The following TOPAZ1 variants were observed in gnomAD, a reference collection of about 807,000 sequenced individuals.
The protein encoded by TOPAZ1 is protein TOPAZ1.
TOPAZ1 carries 66 observed loss-of-function variants against 172.2 expected under a neutral mutation model. That is an observed-to-expected ratio of 0.38 (90% CI 0.31 to 0.47). The LOEUF is 0.47. Among genes scored for constraint, TOPAZ1 ranks in the 20% least tolerant of loss-of-function variants. The pLI, the probability that TOPAZ1 is intolerant of heterozygous loss-of-function variation, is 0.99. For missense variants in TOPAZ1, 1,822 were observed against 1,972.4 expected (o/e 0.92, Z 1.44); for synonymous variants, 681 against 683.9 (o/e 1.00, Z 0.07).
chr3:44,272,997 CAATCTT>C (rs762028930), intron 8 of TOPAZ1, among the ~76,000 whole-genome samples: 26 of 152,192 alleles, frequency 1.7e-4, no homozygotes, highest in Non-Finnish European at 2.9e-4. Context: ...TGTCAAAACT[CAATCTT>C]AAACAAACCA....
chr3:44,262,523 C>G, intron 5 of TOPAZ1, 40 bp downstream of exon 5: 1 of 1,047,694 alleles, frequency 9.5e-7, no homozygotes, highest in Non-Finnish European at 1.4e-6. Flanking sequence ...TTAAAATAGT[C>G]ACTCATCTAA....
chr3:44,274,800 T>C (rs1176343032), intron 8 of TOPAZ1, among the ~76,000 whole-genome samples: 1 of 152,110 alleles, frequency 6.6e-6, no homozygotes, highest in African/African-American at 2.4e-5. Flanking sequence ...GTGATCTGCC[T>C]GCCTCAGCCT....
rs947766350 is a variant in TOPAZ1, at chr3:44,328,444, A to G, written c.4859+11A>G. 11 of 1,490,896 alleles carry G rather than the reference A, an allele frequency of 7.4e-6. 1 individual carries two copies. In the South Asian group the frequency reaches 1.4e-4, roughly 18 times the overall value. 92.4% of individuals were successfully genotyped at this position (1,490,896 alleles called of 1,614,324 possible). A position where few individuals can be genotyped will look rare whatever the true frequency, so the allele number is the denominator to read the frequency against. On this transcript the variant is annotated intron_variant, in intron 19 of 19. Coordinates refer to ENST00000309765, the MANE Select transcript of TOPAZ1 (RefSeq NM_001145030.2). The stretch of plus-strand genomic sequence containing the variant: ...GATAGTTTTGAAAAGGTTGGTTGAC[A>G]TAACTTTAACTGCATTCTGAATGTA...
downstream of TOPAZ1, among the ~76,000 whole-genome samples, chr3:44,332,887 C>T (rs997330566): frequency 3.3e-4 from 50 of 151,794 alleles, no homozygotes; most frequent in African/African-American, 1.2e-3. Flanking sequence ...CAGCCTCAAC[C>T]TCCCAGGCTC....
chr3:44,301,005 T>C (rs892679607), intron 12 of TOPAZ1, among the ~76,000 whole-genome samples: 3 of 152,184 alleles, frequency 2.0e-5, no homozygotes, highest in Non-Finnish European at 2.9e-5. Context: ...TTGTGTTGAA[T>C]TTTAAAAGCT....
chr3:44,335,568 G>A (rs1188979586), downstream of TOPAZ1, among the ~76,000 whole-genome samples: 1 of 152,158 alleles, frequency 6.6e-6, no homozygotes, highest in African/African-American at 2.4e-5. Context: ...AGGTTGCAGT[G>A]ATCCAAGGTC....
At chr3:44,335,974 A>G (rs1275729994), downstream of TOPAZ1, among the ~76,000 whole-genome samples, 1 of 152,204 alleles carries the variant, frequency 6.6e-6, no homozygotes, top group Non-Finnish European at 1.5e-5. Flanking sequence ...AAGCACTACA[A>G]AGGCTTTTTC....
chr3:44,269,447 C>A (rs1575713817), intron 7 of TOPAZ1, 146 bp downstream of exon 7: 1 of 245,404 alleles, frequency 4.1e-6, no homozygotes, highest in Non-Finnish European at 7.8e-6. Context: ...TACTTTGGAC[C>A]TTTTGATTGT....
At chr3:44,292,191 AT>A (rs753319674) in intron 12 of TOPAZ1, among the ~76,000 whole-genome samples, 1 of 152,264 alleles carries the variant, frequency 6.6e-6, no homozygotes, top group East Asian at 1.9e-4. Context: ...AAGTTCTATG[AT>A]TTTTTAATTT....
chr3:44,319,557 C>T (rs1700487487), intron 16 of TOPAZ1, among the ~76,000 whole-genome samples: 1 of 152,022 alleles, frequency 6.6e-6, no homozygotes, highest in Non-Finnish European at 1.5e-5. Flanking sequence ...AACAGTTTTA[C>T]TTTTAATGGG....
chr3:44,259,623 G>A (rs995513890), intron 4 of TOPAZ1, among the ~76,000 whole-genome samples: 9 of 152,180 alleles, frequency 5.9e-5, no homozygotes, highest in African/African-American at 2.2e-4. Context: ...ATATGTGCAA[G>A]CATTTTTGGA....
chr3:44,271,503 A>G (rs956551761), intron 8 of TOPAZ1, among the ~76,000 whole-genome samples: 1 of 152,202 alleles, frequency 6.6e-6, no homozygotes, highest in Non-Finnish European at 1.5e-5. Context: ...ATAATTAATC[A>G]TATAATCTGT....
At chr3:44,330,761 G>A (rs1364856345) in intron 19 of TOPAZ1, among the ~76,000 whole-genome samples, 1 of 152,218 alleles carries the variant, frequency 6.6e-6, no homozygotes, top group Non-Finnish European at 1.5e-5. Context: ...TAATGTAACA[G>A]CCACACCTCT....
chr3:44,243,128 A>G lies in TOPAZ1; in HGVS notation c.622A>G (p.Lys208Glu), dbSNP rs1281016487. 2 of 1,548,400 alleles carry G rather than the reference A, an allele frequency of 1.3e-6. No homozygotes were observed. The highest frequency in any genetic ancestry group is 1.4e-5 in the African/African-American group (1 of 73,024). ...FQDELYKNTP[K>E]YSCNILSPEV... The stretch of plus-strand genomic sequence containing the variant: ...AGATGAACTGTACAAGAATACTCCA[A>G]AATATTCTTGTAATATCTTGTCACC... Residue 208 changes from lysine to glutamate, a missense_variant, in exon 2 of 20, where the codon AAA (lysine) becomes GAA (glutamate). Transcript: ENST00000309765.
intron 12 of TOPAZ1, among the ~76,000 whole-genome samples, chr3:44,292,485 G>A (rs1241244606): frequency 6.6e-6 from 1 of 152,098 alleles, no homozygotes; most frequent in Admixed American, 6.6e-5. Flanking sequence ...TGTTAATCTC[G>A]CACCAGATTC....
rs1235317393 is a variant in TOPAZ1, at chr3:44,243,874, A to G, written c.1368A>G (p.Ser456=). The G allele has an allele frequency of 5.2e-6, 8 of 1,551,888 alleles. No homozygotes were observed. Among genetic ancestry groups the G allele is most frequent in the Non-Finnish European group, 6.1e-6 (7 of 1,146,992 alleles). The part of the protein sequence containing the change: ...FKSMKSFIGK[S]PNEYHIERRS... ...CGATGAAAAGCTTCATAGGGAAATCACCTAATGAGTACCATATTGAAAGGA... is the reference window on the plus strand; with the variant it reads ...CGATGAAAAGCTTCATAGGGAAATCGCCTAATGAGTACCATATTGAAAGGA... Residue 456 remains serine (S), a synonymous_variant, in exon 2 of 20, where the codon TCA becomes TCG. Coordinates refer to ENST00000309765, the MANE Select transcript of TOPAZ1 (RefSeq NM_001145030.2).
chr3:44,256,772 A>G (rs896952345), intron 4 of TOPAZ1, among the ~76,000 whole-genome samples: 5 of 152,138 alleles, frequency 3.3e-5, no homozygotes, highest in South Asian at 2.1e-4. Flanking sequence ...TTAGTCAGTA[A>G]TATTTGCTCT....
In TOPAZ1 at chr3:44,242,392, A is replaced by G; in HGVS notation, c.339A>G (p.Glu113=). Reference sequence around the variant, plus strand: ...AGGCTGAACTCCCCTTGCAAACGGAAAGACACAGTAAGAAAGCATCCACGA... The same window carrying G: ...AGGCTGAACTCCCCTTGCAAACGGAGAGACACAGTAAGAAAGCATCCACGA... The part of the protein sequence containing the change: ...AKEAELPLQT[E]RHTKEKRKVT... The change falls in exon 1 of 20, where the codon GAA becomes GAG. Residue 113 remains glutamate, a synonymous_variant. Transcript: ENST00000309765. The G allele has an allele frequency of 6.4e-7, 1 of 1,552,294 alleles. No individual in the cohort carries two copies. The highest frequency in any genetic ancestry group is 8.7e-7 in the Non-Finnish European group (1 of 1,147,112).
Position 44,287,355 on chromosome 3 carries a change from C to A in TOPAZ1, c.3437-34C>A, listed in dbSNP as rs766969654. 3 of 1,223,832 alleles carry A rather than the reference C, an allele frequency of 2.5e-6. No individual in the cohort carries two copies. In the South Asian group the frequency reaches 7.6e-5, roughly 31 times the overall value. 75.8% of individuals were successfully genotyped at this position (1,223,832 alleles called of 1,614,324 possible). ...TAAGAAATACAGATATCTGAAGCAGCAAATGACTTTAGTATATATATTTTC... is the reference window on the plus strand; with the variant it reads ...TAAGAAATACAGATATCTGAAGCAGAAAATGACTTTAGTATATATATTTTC... On this transcript the variant is annotated intron_variant, in intron 9 of 19. Coordinates refer to ENST00000309765, the MANE Select transcript of TOPAZ1 (RefSeq NM_001145030.2).
Sources: allele counts gnomAD v4.1 joint callset (sites outside exome capture counted in the v4.1 genomes callset), GRCh38; gene constraint gnomAD v4.1.1; transcripts MANE v1.5; gene names NCBI Gene and HGNC (gene_info 2026-07-23, HGNC 2026-07-21).